The following KANSL1 variants were observed in gnomAD, a reference collection of about 807,000 sequenced individuals.
KANSL1 encodes KAT8 regulatory NSL complex subunit 1, also known as MLL1/MLL complex subunit KANSL1.
In KANSL1, 22 loss-of-function variants were observed where a neutral mutation model predicts 103.6. The ratio of observed to expected loss-of-function variants is 0.21; its 90% CI spans 0.15 to 0.30. The LOEUF is 0.30. Among genes scored for constraint, KANSL1 ranks in the 10% least tolerant of loss-of-function variants. The pLI is 1.00. For synonymous variants in KANSL1, 600 were observed against 527.6 expected (o/e 1.14, Z -1.88); for missense variants, 1,337 against 1,399.8 (o/e 0.96, Z 0.72).
At chr17:46,081,159 T>C (rs553097523) in intron 4 of KANSL1, among the ~76,000 whole-genome samples, 1 of 152,304 alleles carries the variant, frequency 6.6e-6, no homozygotes, top group African/African-American at 2.4e-5. Flanking sequence ...TCAGAAGTGC[T>C]GAGGTAAGAG....
At chr17:46,183,602 G>T (rs1008745040) in intron 1 of KANSL1, among the ~76,000 whole-genome samples, 1 of 151,388 alleles carries the variant, frequency 6.6e-6, no homozygotes, top group South Asian at 2.1e-4. Flanking sequence ...AGGGGAGAGG[G>T]GAGAGGAGGT....
At chr17:46,121,252 T>C (rs1271432740) in intron 2 of KANSL1, 1 of 152,030 alleles carries the variant, frequency 6.6e-6, no homozygotes, top group Admixed American at 6.6e-5. Flanking sequence ...GGAACTGGCA[T>C]TCTACCTTAG....
chr17:46,143,821 A>G (rs1278574942), intron 2 of KANSL1, among the ~76,000 whole-genome samples: 2 of 151,624 alleles, frequency 1.3e-5, no homozygotes, highest in African/African-American at 4.8e-5. Flanking sequence ...AAAAAAAAAA[A>G]AAAAAAAGAA....
intron 3 of KANSL1, among the ~76,000 whole-genome samples, chr17:46,089,427 A>T (rs1425942974): frequency 6.6e-6 from 1 of 151,728 alleles, no homozygotes; most frequent in Admixed American, 6.6e-5. Context: ...TACGCCACTT[A>T]AATAAAATTA....
At chr17:46,217,699 G>A (rs552641006) in intron 1 of KANSL1, among the ~76,000 whole-genome samples, 23 of 152,270 alleles carry the variant, frequency 1.5e-4, no homozygotes, top group African/African-American at 5.5e-4. Flanking sequence ...GACCAGCCTG[G>A]GCAACAAGGT....
intron 2 of KANSL1, chr17:46,156,973 T>C (rs1272740126): frequency 1.3e-5 from 2 of 152,250 alleles, no homozygotes; most frequent in African/African-American, 4.8e-5. Context: ...TCTTCTTAAG[T>C]GTTTTCATCA....
intron 7 of KANSL1, chr17:46,045,741 A>G (rs1464192073): frequency 6.6e-6 from 1 of 152,230 alleles, no homozygotes; most frequent in Non-Finnish European, 1.5e-5. Context: ...TCAGCAGGAC[A>G]GAAAATGTTC....
At chr17:46,194,139 C>T (rs1322830991), upstream of KANSL1, among the ~76,000 whole-genome samples, 1 of 152,156 alleles carries the variant, frequency 6.6e-6, no homozygotes, top group Non-Finnish European at 1.5e-5. Context: ...AGCCGGGAGC[C>T]AGAGGGGAAG....
intron 2 of KANSL1, among the ~76,000 whole-genome samples, chr17:46,121,634 C>T (rs1184169023): frequency 1.3e-5 from 2 of 152,156 alleles, no homozygotes; most frequent in African/African-American, 4.8e-5. Context: ...TTTGCTGCAA[C>T]CAAATATATA....
At chr17:46,096,628 C>T (rs1192386337) in intron 2 of KANSL1, among the ~76,000 whole-genome samples, 1 of 147,088 alleles carries the variant, frequency 6.8e-6, no homozygotes, top group Non-Finnish European at 1.5e-5. Flanking sequence ...CCCTGACTAA[C>T]TTTTTTTTGA....
intron 2 of KANSL1, among the ~76,000 whole-genome samples, chr17:46,130,278 T>C (rs556084583): frequency 3.3e-5 from 5 of 151,720 alleles, no homozygotes; most frequent in Non-Finnish European, 7.4e-5. Flanking sequence ...AATCAAAATT[T>C]AATCGGGGGT....
intron 2 of KANSL1, among the ~76,000 whole-genome samples, chr17:46,146,494 T>A (rs1364552173): frequency 6.6e-6 from 1 of 152,224 alleles, no homozygotes; most frequent in Non-Finnish European, 1.5e-5. Context: ...AAGGTAGGGC[T>A]ACCCCATAGG....
chr17:46,136,879 T>A (rs1206359801), intron 2 of KANSL1, among the ~76,000 whole-genome samples: 1 of 152,244 alleles, frequency 6.6e-6, no homozygotes, highest in Non-Finnish European at 1.5e-5. Context: ...CTGGAATGTG[T>A]ATAAATTAAA....
intron 2 of KANSL1, among the ~76,000 whole-genome samples, chr17:46,146,616 G>A (rs767500577): frequency 1.8e-5 from 2 of 112,872 alleles, no homozygotes; most frequent in Non-Finnish European, 4.8e-5. Flanking sequence ...GGCGGATCAC[G>A]AGGTCAGGAG....
intron 6 of KANSL1, among the ~76,000 whole-genome samples, chr17:46,063,911 TTAA>T (rs112893537): frequency 0.14 from 20,782 of 148,746 alleles, 2,010 homozygotes; most frequent in Non-Finnish European, 0.21. Flanking sequence ...TTTTTTTTTT[TTAA>T]AATGTAAAAG....
rs1253067851 is a variant in KANSL1 at position 46,200,214 on chromosome 17, T to C, written c.-90+23457A>G. The stretch of plus-strand genomic sequence containing the variant: ...TACTGATTTTGCAGATTAAGCAATC[T>C]ACGCAGGACCCAAACTTTTTATCAG... On this transcript the variant is annotated intron_variant, in intron 1 of 14. Coordinates refer to the KANSL1 transcript ENST00000572904. 2.0e-5 allele frequency among the ~76,000 whole-genome samples: 3 copies of C among 152,226 alleles called. No homozygotes were observed. In the East Asian group the frequency reaches 5.8e-4, roughly 29 times the overall value.
At chr17:46,066,294 G>C (rs577140030) in intron 6 of KANSL1, among the ~76,000 whole-genome samples, 1 of 152,314 alleles carries the variant, frequency 6.6e-6, no homozygotes, top group Non-Finnish European at 1.5e-5. Flanking sequence ...CTATTAAAAA[G>C]CTCAAGACAG....
chr17:46,113,072 T>C (rs1302996945), intron 2 of KANSL1, among the ~76,000 whole-genome samples: 1 of 152,000 alleles, frequency 6.6e-6, no homozygotes, highest in South Asian at 2.1e-4. Flanking sequence ...CTACAAAGAA[T>C]ACAAAGAAAC....
At chr17:46,112,685 AAAAAC>A (rs918549481) in intron 2 of KANSL1, among the ~76,000 whole-genome samples, 32 of 152,040 alleles carry the variant, frequency 2.1e-4, no homozygotes, top group Admixed American at 1.4e-3. Context: ...ATTGTCTCCA[AAAAAC>A]AAAACAAAAC....
Sources: allele counts gnomAD v4.1 joint callset (sites outside exome capture counted in the v4.1 genomes callset), GRCh38; gene constraint gnomAD v4.1.1; transcripts MANE v1.5; gene names NCBI Gene and HGNC (gene_info 2026-07-23, HGNC 2026-07-21).